The following DHRSX variants were observed in gnomAD, a reference collection of about 807,000 sequenced individuals.
DHRSX encodes the protein polyprenol dehydrogenase.
DHRSX carries 31 observed loss-of-function variants against 34.0 expected under a neutral mutation model. That is an observed-to-expected ratio of 0.91 (90% CI 0.69 to 1.23). DHRSX has a LOEUF of 1.23. Ranked by LOEUF, DHRSX falls within the 50% of genes most tolerant of loss-of-function variation. The pLI is 0.00. For missense variants in DHRSX, 414 were observed against 428.1 expected (o/e 0.97, Z 0.29); for synonymous variants, 201 against 183.8 (o/e 1.09, Z -0.76).
Position 2,351,954 on chromosome X carries a change from A to G in DHRSX, c.286+56791T>C, listed in dbSNP as rs1339724305. 2.0e-5 allele frequency among the ~76,000 whole-genome samples: 3 copies of G among 152,188 alleles called. No homozygotes were observed. The East Asian group carries it at 5.8e-4, about 29-fold the overall frequency. On this transcript the variant is annotated intron_variant, in intron 3 of 6. Coordinates refer to ENST00000334651, the MANE Select transcript of DHRSX (RefSeq NM_145177.3). ...AGGCTGGTCTCAAACTCCTGACCTC[A>G]GGTGATCCACCCGCCTCGGCCTCCC...
At chrX:2,325,379 C>T (rs1000935055) in intron 3 of DHRSX, among the ~76,000 whole-genome samples, 34 of 152,082 alleles carry the variant, frequency 2.2e-4, no homozygotes, top group Non-Finnish European at 1.5e-5. Flanking sequence ...GTTCCATCTT[C>T]CCGGCAGGAA....
intron 3 of DHRSX, among the ~76,000 whole-genome samples, chrX:2,389,006 T>C (rs2043304153): frequency 6.6e-6 from 1 of 152,144 alleles, no homozygotes; most frequent in Non-Finnish European, 1.5e-5. Flanking sequence ...ACCTCAGACA[T>C]GTAGCCTCTA....
At chrX:2,438,018 A>AAC (rs900160686) in intron 1 of DHRSX, among the ~76,000 whole-genome samples, 5 of 150,778 alleles carry the variant, frequency 3.3e-5, no homozygotes, top group East Asian at 3.9e-4. Flanking sequence ...GAAAAAAAAA[A>AAC]AACTGAATTC....
In DHRSX at chrX:2,403,713, G is replaced by A. The variant is rs182983602; in HGVS notation, c.286+5032C>T. On this transcript the variant is annotated intron_variant, in intron 3 of 6. Transcript: ENST00000334651. Reference sequence around the variant, plus strand: ...CTACTAAAAATACAAAAAATTAGCCGGGCCTGGTGGTGGGTGTCTGTGATC... The same window carrying A: ...CTACTAAAAATACAAAAAATTAGCCAGGCCTGGTGGTGGGTGTCTGTGATC... 4.6e-5 allele frequency among the ~76,000 whole-genome samples: 7 copies of A among 152,046 alleles called. No individual in the cohort carries two copies. The East Asian group carries it at 9.7e-4, about 21-fold the overall frequency.
chrX:2,239,602 T>A (rs2016094202), intron 6 of DHRSX, among the ~76,000 whole-genome samples: 2 of 148,936 alleles, frequency 1.3e-5, no homozygotes, highest in South Asian at 2.1e-4. Flanking sequence ...TAAAAAAAAA[T>A]AAAAAATAAA....
intron 3 of DHRSX, among the ~76,000 whole-genome samples, chrX:2,362,978 TGCC>T (rs1482421694): frequency 3.4e-5 from 4 of 117,196 alleles, no homozygotes; most frequent in Admixed American, 8.5e-5. Context: ...TATGGTATCA[TGCC>T]GCCATTTTAT....
chrX:2,387,526 G>A (rs1475684536), intron 3 of DHRSX, among the ~76,000 whole-genome samples: 1 of 152,072 alleles, frequency 6.6e-6, no homozygotes, highest in East Asian at 1.9e-4. Context: ...CAGGCTGGGA[G>A]GCTAGACCAG....
At chrX:2,256,337 C>T (rs62595495) in intron 5 of DHRSX, among the ~76,000 whole-genome samples, 21,103 of 150,824 alleles carry the variant, frequency 0.14, 1,895 homozygotes, top group Admixed American at 0.19. Context: ...GGAGTGCAAG[C>T]TGGGCTGGAG....
At chrX:2,425,355 C>T (rs2043831559) in intron 1 of DHRSX, 51 bp from the exon 2 acceptor site, 3 of 1,505,856 alleles carry the variant, frequency 2.0e-6, no homozygotes, top group Admixed American at 1.7e-5. Flanking sequence ...AAGCAGAGCA[C>T]ATATTTGTAA....
At position 2,374,724 on chromosome X, in the gene DHRSX, A is replaced by G. The variant is rs186758006; in HGVS notation, c.286+34021T>C. On this transcript the variant is annotated intron_variant, in intron 3 of 6. Transcript: ENST00000334651. ...ATTGCACTCTAGCCCGGGTGACAACAGCGAGACTCCATCTCAAAAAAACCA... is the reference window on the plus strand; with the variant it reads ...ATTGCACTCTAGCCCGGGTGACAACGGCGAGACTCCATCTCAAAAAAACCA... Among the ~76,000 whole-genome samples the G allele has an allele frequency of 2.7e-4, 37 of 136,608 alleles. 3 individuals carry two copies. In the East Asian group the frequency reaches 7.5e-3, roughly 28 times the overall value. 89.6% of individuals were successfully genotyped at this position (136,608 alleles called of 152,430 possible).
At chrX:2,294,692 CAA>C (rs1457484143) in intron 3 of DHRSX, among the ~76,000 whole-genome samples, 2 of 143,650 alleles carry the variant, frequency 1.4e-5, no homozygotes, top group African/African-American at 5.2e-5. Context: ...CAGAAAGAGG[CAA>C]AGAGAGAGAG....
In DHRSX at chrX:2,359,690, A is replaced by T. The variant is rs2042903879; in HGVS notation, c.286+49055T>A. 3.9e-5 allele frequency among the ~76,000 whole-genome samples: 6 copies of T among 152,026 alleles called. No individual in the cohort carries two copies. In the South Asian group the frequency reaches 1.2e-3, roughly 32 times the overall value. On this transcript the variant is annotated intron_variant, in intron 3 of 6. Transcript: ENST00000334651. ...GCGAGACTCCATATCAAAAAAAAAG[A>T]AAGAAAGAAAAAGAAAATATGGTAC...
chrX:2,304,220 G>GATAA (rs1569485898), intron 3 of DHRSX, among the ~76,000 whole-genome samples: 91 of 131,536 alleles, frequency 6.9e-4, no homozygotes, highest in African/African-American at 2.0e-3. Context: ...TGGATGGATG[G>GATAA]ATGGATGGAT....
intron 1 of DHRSX, chrX:2,490,293 T>G (rs770567994): frequency 6.2e-7 from 1 of 1,613,604 alleles, no homozygotes; most frequent in South Asian, 1.1e-5. Flanking sequence ...TCGTCCACGA[T>G]GGAGGCTGGG....
intron 3 of DHRSX, among the ~76,000 whole-genome samples, chrX:2,304,573 G>C (rs1327330771): frequency 6.6e-6 from 1 of 152,028 alleles, no homozygotes; most frequent in East Asian, 1.9e-4. Flanking sequence ...GCATCTGGTT[G>C]TTGAAAAGTG....
rs1367949890 is a variant in DHRSX at position 2,220,809 on chromosome X, T to C, written c.*232A>G. ...TATGGCACCTGTGACAACTGGGCACTTTGGAATCACAAAGTTTATGGTTGA... is the reference window on the plus strand; with the variant it reads ...TATGGCACCTGTGACAACTGGGCACCTTGGAATCACAAAGTTTATGGTTGA... On this transcript the variant is annotated 3_prime_UTR_variant, in exon 7 of 7. Transcript: ENST00000334651. 2.1e-6 allele frequency: 1 copy of C among 486,182 alleles called. No individual in the cohort carries two copies. Among genetic ancestry groups the C allele is most frequent in the Non-Finnish European group, 3.7e-6 (1 of 273,790 alleles). The allele number at this position is 486,182 out of a possible 1,614,324, so 30.1% of individuals were successfully genotyped here.
intron 2 of DHRSX, among the ~76,000 whole-genome samples, chrX:2,423,078 C>G (rs193026742): frequency 6.7e-6 from 1 of 149,042 alleles, no homozygotes; most frequent in African/African-American, 2.5e-5. Flanking sequence ...GCTGGGATTA[C>G]AGGCATAAGC....
At chrX:2,367,902 A>G (rs1021409668) in intron 3 of DHRSX, among the ~76,000 whole-genome samples, 3 of 152,140 alleles carry the variant, frequency 2.0e-5, no homozygotes, top group African/African-American at 7.2e-5. Context: ...TAAACAATGA[A>G]AAAGATAAAT....
intron 1 of DHRSX, among the ~76,000 whole-genome samples, chrX:2,499,175 G>A (rs1271675127): frequency 2.0e-5 from 3 of 152,060 alleles, no homozygotes; most frequent in Admixed American, 6.6e-5. Context: ...TCACAATAAG[G>A]CACCCAAGCG....
Sources: gnomAD v4.1 joint callset for allele counts (sites outside exome capture counted in the v4.1 genomes callset) on GRCh38, gnomAD v4.1.1 for gene constraint, MANE v1.5 for transcripts, NCBI Gene and HGNC (gene_info 2026-07-23, HGNC 2026-07-21) for gene names.